Variants in DAOA observed in about 807,000 individuals in gnomAD.
DAOA encodes D-amino acid oxidase regulator.
In DAOA, 15 loss-of-function variants were observed where a neutral mutation model predicts 16.4. The ratio of observed to expected loss-of-function variants is 0.91; its 90% confidence interval spans 0.61 to 1.41. The LOEUF (loss-of-function observed/expected upper bound fraction) is 1.41. Ranked by LOEUF, DAOA falls within the 40% of genes most tolerant of loss-of-function variation. The pLI, the probability that DAOA is intolerant of heterozygous loss-of-function variation, is 0.00. For synonymous variants in DAOA, 75 were observed against 59.1 expected, an observed-to-expected ratio of 1.27 and a Z score of -1.23; for missense variants, 230 against 176.8, an observed-to-expected ratio of 1.30 and a Z score of -1.71.
intron 4 of DAOA, among the ~76,000 whole-genome samples, chr13:105,477,849 T>C (rs867029081): frequency 6.6e-6 from 1 of 152,238 alleles, no homozygotes; most frequent in Non-Finnish European, 1.5e-5. Flanking sequence ...AATAATAGAA[T>C]ATCATGAGAG....
intron 2 of DAOA, among the ~76,000 whole-genome samples, chr13:105,466,605 T>G (rs1453622096): frequency 6.6e-6 from 1 of 152,168 alleles, no homozygotes; most frequent in African/African-American, 2.4e-5. Context: ...GAATCTTTAA[T>G]CCACAGCAGG....
At chr13:105,472,105 A>G (rs548285631) in intron 3 of DAOA, among the ~76,000 whole-genome samples, 83 of 152,348 alleles carry the variant, frequency 5.4e-4, no homozygotes, top group African/African-American at 1.9e-3. Context: ...AATCTTCCCA[A>G]CAGTCACACA....
chr13:105,471,072 G>A (rs1347553539), intron 3 of DAOA, among the ~76,000 whole-genome samples: 1 of 151,930 alleles, frequency 6.6e-6, no homozygotes, highest in Non-Finnish European at 1.5e-5. Flanking sequence ...ACAGGCATGA[G>A]CCACCGTGCC....
intron 4 of DAOA, among the ~76,000 whole-genome samples, chr13:105,479,200 T>C (rs956939143): frequency 6.6e-6 from 1 of 152,186 alleles, no homozygotes; most frequent in South Asian, 2.1e-4. Flanking sequence ...GTTCGTATTG[T>C]TTCTTGGTTT....
At chr13:105,482,029 CAA>C (rs1316253774) in intron 4 of DAOA, among the ~76,000 whole-genome samples, 1 of 152,142 alleles carries the variant, frequency 6.6e-6, no homozygotes, top group African/African-American at 2.4e-5. Context: ...TGGCAGCAGT[CAA>C]GAGAGAGAGC....
chr13:105,477,293 T>C (rs998266402), intron 4 of DAOA: 1 of 152,186 alleles, frequency 6.6e-6, no homozygotes, highest in African/African-American at 2.4e-5. Flanking sequence ...GTCTATCAGA[T>C]AGAGTTTCTA....
intron 4 of DAOA, among the ~76,000 whole-genome samples, chr13:105,472,886 T>A (rs1175481568): frequency 6.6e-6 from 1 of 152,198 alleles, no homozygotes; most frequent in Non-Finnish European, 1.5e-5. Flanking sequence ...TTCTTCACAT[T>A]TTTTCATGCA....
chr13:105,488,583 C>A (rs1449389749), intron 4 of DAOA, among the ~76,000 whole-genome samples: 1 of 152,134 alleles, frequency 6.6e-6, no homozygotes, highest in Non-Finnish European at 1.5e-5. Context: ...CTACTGTATT[C>A]CTCCACAGAG....
At chr13:105,466,905 A>C in intron 2 of DAOA, 148 bp from the exon 3 acceptor site, 1 of 1,073,482 alleles carries the variant, frequency 9.3e-7, no homozygotes, top group Non-Finnish European at 1.2e-6. Context: ...ATAAAAAAAT[A>C]AGACGTATTT....
At chr13:105,485,040 T>C (rs1878016106) in intron 4 of DAOA, among the ~76,000 whole-genome samples, 1 of 152,196 alleles carries the variant, frequency 6.6e-6, no homozygotes. Context: ...TCTGGTCCTT[T>C]TTGTTCATAT....
chr13:105,485,595 A>G (rs551929322), intron 4 of DAOA, among the ~76,000 whole-genome samples: 2 of 152,340 alleles, frequency 1.3e-5, no homozygotes, highest in Non-Finnish European at 2.9e-5. Context: ...TGCAATACCT[A>G]TGAATATGAC....
chr13:105,488,572 A>C (rs1878296841), intron 4 of DAOA, among the ~76,000 whole-genome samples: 3 of 152,160 alleles, frequency 2.0e-5, no homozygotes, highest in Admixed American at 2.0e-4. Context: ...AAAATATTCC[A>C]CTACTGTATT....
Position 105,489,913 on chromosome 13 carries a change from A to G in DAOA, c.294A>G (p.Val98=). 2 of 1,613,898 alleles carry G rather than the reference A, an allele frequency of 1.2e-6. No homozygotes were observed. The highest frequency in any genetic ancestry group is 1.7e-6 in the Non-Finnish European group (2 of 1,179,888). The part of the protein sequence containing the change: ...LPQPYAELEE[V]SSHVGKVFMA... ...GATCTCCTTACAGGCTTGAAGAAGT[A>G]AGCAGCCATGTTGGAAAAGTCTTCA... The change falls in exon 5 of 6, where the codon GTA becomes GTG. Residue 98 remains valine, a synonymous_variant. Transcript: ENST00000375936.
At position 105,489,883 on chromosome 13, in the gene DAOA, G is replaced by A. The variant is rs1480214639; in HGVS notation, c.282-18G>A. The A allele has an allele frequency of 6.2e-7, 1 of 1,613,772 alleles. No individual in the cohort carries two copies. Among genetic ancestry groups the A allele is most frequent in the African/African-American group, 1.3e-5 (1 of 74,980 alleles). On this transcript the variant is annotated intron_variant, in intron 4 of 5. Coordinates refer to ENST00000375936, the MANE Select transcript of DAOA (RefSeq NM_172370.5). ...CCTTTCACAAGACCTGGCCAACTGA[G>A]ACCGGATCTCCTTACAGGCTTGAAG...
chr13:105,482,573 G>A (rs1471543589), intron 4 of DAOA, among the ~76,000 whole-genome samples: 4 of 150,278 alleles, frequency 2.7e-5, no homozygotes, highest in East Asian at 2.0e-4. Flanking sequence ...GCAGTGGTGC[G>A]ATCACGGCTC....
chr13:105,488,937 G>A (rs903503736), intron 4 of DAOA, among the ~76,000 whole-genome samples: 1 of 152,164 alleles, frequency 6.6e-6, no homozygotes, highest in Non-Finnish European at 1.5e-5. Context: ...TTCTTCCTAT[G>A]CACAAGGCAC....
chr13:105,470,901 C>T lies in DAOA; in HGVS notation c.134-1637C>T, dbSNP rs185908144. Among the ~76,000 whole-genome samples, 559 of 152,310 alleles carry T rather than the reference C, an allele frequency of 3.7e-3. 3 individuals carry two copies. The highest frequency in any genetic ancestry group is 0.012 in the African/African-American group (516 of 41,580). On this transcript the variant is annotated intron_variant, in intron 3 of 5. Transcript: ENST00000375936. ...CGCCTCCCGGGTTCATGCCATTCTC[C>T]TGCCTCAACCTCCCGAGTAGCTGGG...
chr13:105,474,924 G>A (rs1202914248), intron 4 of DAOA: 3 of 663,320 alleles, frequency 4.5e-6, no homozygotes, highest in African/African-American at 2.0e-5. Flanking sequence ...CTGAAATTAA[G>A]CAGAAGATTG....
chr13:105,473,662 T>C (rs568966781), intron 4 of DAOA, among the ~76,000 whole-genome samples: 3 of 152,122 alleles, frequency 2.0e-5, no homozygotes, highest in Non-Finnish European at 4.4e-5. Context: ...TTTATAGACA[T>C]AGCAACAGGA....
Sources: gnomAD v4.1 joint callset for allele counts (sites outside exome capture counted in the v4.1 genomes callset) on GRCh38, gnomAD v4.1.1 for gene constraint, MANE v1.5 for transcripts, NCBI Gene and HGNC (gene_info 2026-07-23, HGNC 2026-07-21) for gene names.